SNTG1: variants seen among roughly 807,000 people sequenced by gnomAD.
SNTG1 encodes syntrophin gamma 1.
Under a neutral mutation model 74.7 loss-of-function variants are expected in SNTG1, and 39 were observed. The observed-to-expected ratio is 0.52, with a 90% CI of 0.40 to 0.68. The LOEUF (loss-of-function observed/expected upper bound fraction) is 0.68. Among genes scored for constraint, SNTG1 ranks in the 30% least tolerant of loss-of-function variants. SNTG1 has a pLI of 0.00. For synonymous variants in SNTG1, 254 were observed against 217.1 expected, an observed-to-expected ratio of 1.17 and a Z score of -1.49; for missense variants, 685 against 609.5, an observed-to-expected ratio of 1.12 and a Z score of -1.30.
intron 1 of SNTG1, among the ~76,000 whole-genome samples, chr8:50,098,239 T>A (rs2080000434): frequency 6.6e-6 from 1 of 152,198 alleles, no homozygotes. Flanking sequence ...AAAGACCATA[T>A]GCCAACTAAT....
At chr8:50,428,746 T>C (rs1347262126) in intron 4 of SNTG1, among the ~76,000 whole-genome samples, 2 of 152,124 alleles carry the variant, frequency 1.3e-5, no homozygotes, top group Non-Finnish European at 2.9e-5. Context: ...AAATGTGATC[T>C]GTAAAAGAAT....
intron 1 of SNTG1, among the ~76,000 whole-genome samples, chr8:50,070,232 TGAG>T (rs1044868784): frequency 4.6e-5 from 7 of 152,166 alleles, no homozygotes; most frequent in Non-Finnish European, 8.8e-5. Flanking sequence ...ATTCAAATAT[TGAG>T]GAAAAAATAA....
chr8:50,501,860 T>C (rs985378022), intron 8 of SNTG1, among the ~76,000 whole-genome samples: 7 of 152,150 alleles, frequency 4.6e-5, no homozygotes, highest in Admixed American at 3.3e-4. Flanking sequence ...TAACAAGATA[T>C]ATTTCCATGT....
chr8:50,450,095 A>C (rs2093442077), intron 6 of SNTG1, among the ~76,000 whole-genome samples: 1 of 152,256 alleles, frequency 6.6e-6, no homozygotes, highest in African/African-American at 2.4e-5. Context: ...AATTTTACTC[A>C]GCTAACCATT....
At chr8:50,187,903 T>C (rs888070890) in intron 2 of SNTG1, among the ~76,000 whole-genome samples, 10 of 152,042 alleles carry the variant, frequency 6.6e-5, no homozygotes, top group African/African-American at 2.4e-4. Flanking sequence ...ACCCAGGAAG[T>C]GGTTCCATGT....
intron 2 of SNTG1, among the ~76,000 whole-genome samples, chr8:50,189,353 T>C (rs2083487234): frequency 6.6e-6 from 1 of 152,128 alleles, no homozygotes; most frequent in Non-Finnish European, 1.5e-5. Context: ...ATCACCTGGA[T>C]ATCTTGTTAA....
chr8:50,533,963 T>C (rs956605996), intron 10 of SNTG1, among the ~76,000 whole-genome samples: 1 of 152,186 alleles, frequency 6.6e-6, no homozygotes, highest in African/African-American at 2.4e-5. Context: ...TAACAATCTT[T>C]GACATTTTCT....
intron 15 of SNTG1, among the ~76,000 whole-genome samples, chr8:50,699,209 G>T (rs1460145315): frequency 9.9e-6 from 1 of 101,150 alleles, no homozygotes; most frequent in African/African-American, 2.7e-5. Context: ...AGCAGGAAGA[G>T]GAAGAAAGAA....
intron 1 of SNTG1, among the ~76,000 whole-genome samples, chr8:49,925,434 G>A (rs569051374): frequency 6.6e-6 from 1 of 150,844 alleles, no homozygotes; most frequent in East Asian, 1.9e-4. Flanking sequence ...TAATTTGCCT[G>A]TGTGTGTGTA....
intron 8 of SNTG1, among the ~76,000 whole-genome samples, chr8:50,489,708 C>A (rs530639719): frequency 6.6e-6 from 1 of 151,056 alleles, no homozygotes; most frequent in Non-Finnish European, 1.5e-5. Context: ...CAAAAATTTT[C>A]TCCCATTCTG....
At chr8:50,549,835 C>T (rs1031493956) in intron 11 of SNTG1, among the ~76,000 whole-genome samples, 2 of 152,082 alleles carry the variant, frequency 1.3e-5, no homozygotes, top group African/African-American at 4.8e-5. Flanking sequence ...ACTGTTTAGC[C>T]CAATAGGGTG....
At chr8:50,601,036 T>A (rs562824335) in intron 13 of SNTG1, among the ~76,000 whole-genome samples, 1 of 150,996 alleles carries the variant, frequency 6.6e-6, no homozygotes, top group East Asian at 2.0e-4. Flanking sequence ...TTGGGCATGG[T>A]GGCATGCACC....
intron 17 of SNTG1, among the ~76,000 whole-genome samples, chr8:50,737,606 A>G (rs1433643640): frequency 6.6e-6 from 1 of 152,150 alleles, no homozygotes; most frequent in African/African-American, 2.4e-5. Context: ...GACACAACAA[A>G]AAAAGAAAAT....
chr8:50,159,033 G>C (rs2082335313), intron 1 of SNTG1, among the ~76,000 whole-genome samples: 1 of 152,142 alleles, frequency 6.6e-6, no homozygotes, highest in Admixed American at 6.6e-5. Context: ...GTTGTGAACG[G>C]AATGTGCCTT....
chr8:49,951,654 G>T (rs890165109), intron 1 of SNTG1, among the ~76,000 whole-genome samples: 1 of 151,358 alleles, frequency 6.6e-6, no homozygotes, highest in Non-Finnish European at 1.5e-5. Flanking sequence ...ATATACCTAA[G>T]GCTAGATGAC....
intron 1 of SNTG1, among the ~76,000 whole-genome samples, chr8:50,159,557 A>T (rs9298279): frequency 5.9e-5 from 9 of 151,978 alleles, no homozygotes; most frequent in African/African-American, 1.9e-4. Context: ...TTTTGGTCAA[A>T]GGAAAAAGCA....
At chr8:50,161,912 T>A (rs1411959822) in intron 1 of SNTG1, among the ~76,000 whole-genome samples, 12 of 152,084 alleles carry the variant, frequency 7.9e-5, no homozygotes, top group Non-Finnish European at 1.5e-5. Context: ...ATAAAGCATA[T>A]AATCTTAGAC....
In SNTG1 at chr8:50,368,681, G is replaced by A. The variant is rs148818454; in HGVS notation, c.-27-25531G>A. On this transcript the variant is annotated intron_variant, in intron 2 of 18. Coordinates refer to ENST00000642720, the MANE Select transcript of SNTG1 (RefSeq NM_018967.5). ...CAGACTTCTTGGATTCTATAGGACC[G>A]TCTGGTCCTATAGAATCCATAGAGC... Among the ~76,000 whole-genome samples, 1,387 of 152,180 alleles carry A rather than the reference G, an allele frequency of 9.1e-3. 26 individuals are homozygous for A. The highest frequency in any genetic ancestry group is 0.032 in the African/African-American group (1,311 of 41,518).
chr8:50,170,384 T>C (rs1322869352), intron 1 of SNTG1, among the ~76,000 whole-genome samples: 2 of 152,062 alleles, frequency 1.3e-5, no homozygotes, highest in Non-Finnish European at 2.9e-5. Flanking sequence ...AAACAACCTA[T>C]GAAAAAACTT....
Sources: allele counts gnomAD v4.1 joint callset (sites outside exome capture counted in the v4.1 genomes callset), GRCh38; gene constraint gnomAD v4.1.1; transcripts MANE v1.5; gene names NCBI Gene and HGNC (gene_info 2026-07-23, HGNC 2026-07-21).